Variants in SLFN12 observed in about 807,000 individuals in gnomAD.
The protein encoded by SLFN12 is ribonuclease SLFN12.
In SLFN12, 25 loss-of-function variants were observed where a neutral mutation model predicts 29.1. That is an observed-to-expected ratio of 0.86 (90% CI 0.63 to 1.20). The LOEUF (loss-of-function observed/expected upper bound fraction) is 1.20. SLFN12 is among the 50% of genes most tolerant of loss of function. The pLI is 0.00. For synonymous variants in SLFN12, 257 were observed against 238.7 expected (o/e 1.08, Z -0.71); for missense variants, 660 against 666.2 (o/e 0.99, Z 0.10).
chr17:35,420,302 T>C lies in SLFN12; in HGVS notation c.1119A>G (p.Glu373=). 1.9e-6 allele frequency: 3 copies of C among 1,613,624 alleles called. 1 individual carries two copies. The part of the protein sequence containing the change: ...LPAPHSWPLL[E]WQRQRHHCPG... ...GACAGTGATGTCTCTGCCGTTGCCA[T>C]TCCAAAAGAGGCCAACTGTGGGGAG... is the stretch of plus-strand genomic sequence containing the variant. The change falls in exon 3 of 4, where the codon GAA becomes GAG. Residue 373 remains glutamate, a synonymous_variant. Transcript: ENST00000304905.
chr17:35,428,139 A>G (rs1912113627), intron 1 of SLFN12, among the ~76,000 whole-genome samples: 2 of 152,164 alleles, frequency 1.3e-5, no homozygotes, highest in Non-Finnish European at 2.9e-5. Context: ...TATAGAGTGT[A>G]TATATGTACA....
rs374285342 is a variant in SLFN12, at chr17:35,422,800, G to T, written c.229C>A (p.Leu77Ile). The T allele has an allele frequency of 1.1e-4, 176 of 1,613,642 alleles. 1 individual carries two copies. The highest frequency in any genetic ancestry group is 3.3e-4 in the Middle Eastern group (2 of 6,084). ...DYSYTKDGIG[L>I]DLENSFSNIL... is the part of the protein sequence containing the mutation. ...TTACTAAAAGAATTTTCCAAATCTA[G>T]TCCTATTCCATCTTTTGTATAACTA... Residue 77 changes from leucine to isoleucine, a missense_variant, in exon 2 of 4, where the codon CTA becomes ATA. By Grantham distance (5) the Leu-to-Ile change is conservative. Coordinates refer to ENST00000304905, the MANE Select transcript of SLFN12 (RefSeq NM_018042.5).
At chr17:35,418,860 G>GT (rs1911466642) in intron 3 of SLFN12, among the ~76,000 whole-genome samples, 1 of 133,060 alleles carries the variant, frequency 7.5e-6, no homozygotes, top group Admixed American at 8.5e-5. Context: ...TTATTTATTT[G>GT]TTTGTTTGTT....
Position 35,421,626 on chromosome 17 carries a change from G to A in SLFN12, c.1039+364C>T, listed in dbSNP as rs953616319. Among the ~76,000 whole-genome samples, 6 of 135,514 alleles carry A rather than the reference G, an allele frequency of 4.4e-5. No individual in the cohort carries two copies. In the South Asian group the frequency reaches 9.7e-4, roughly 22 times the overall value. The allele number at this position is 135,514 out of a possible 152,430, so 88.9% of individuals were successfully genotyped here. On this transcript the variant is annotated intron_variant, in intron 2 of 3. Coordinates refer to ENST00000304905, the MANE Select transcript of SLFN12 (RefSeq NM_018042.5). ...GCAATCTCCGCCCACTGCAACCTCC[G>A]CCACCTGGCTTCAACCGATTCTCCT... is the stretch of plus-strand genomic sequence containing the variant.
At chr17:35,415,799 C>T (rs1212482407) in intron 3 of SLFN12, among the ~76,000 whole-genome samples, 2 of 152,092 alleles carry the variant, frequency 1.3e-5, no homozygotes, top group African/African-American at 4.8e-5. Context: ...AAAATTAAGT[C>T]CACAATGAGA....
In SLFN12 at chr17:35,422,714, A is replaced by T; in HGVS notation, c.315T>A (p.Ile105=). ...DFMQNGNYFL[I]FVKSWSLNTS... ...TGTTCAAGCTCCATGACTTCACAAA[A>T]ATCAGAAAGTAGTTACCATTCTGCA... is the stretch of plus-strand genomic sequence containing the variant. Residue 105 remains isoleucine, a synonymous_variant, in exon 2 of 4, where the codon ATT becomes ATA. Transcript: ENST00000304905. The T allele has an allele frequency of 1.2e-6, 2 of 1,614,150 alleles. 1 individual carries two copies. Among genetic ancestry groups the T allele is most frequent in the Non-Finnish European group, 1.7e-6 (2 of 1,180,022 alleles).
Position 35,429,816 on chromosome 17 carries a change from G to T in SLFN12, c.-41+2372C>A, listed in dbSNP as rs145677409. ...GATAATAAACCAGCAGGGCATGAGGGTGCTTGGTTTTTCTTTTAGGATCTA... is the reference window on the plus strand; with the variant it reads ...GATAATAAACCAGCAGGGCATGAGGTTGCTTGGTTTTTCTTTTAGGATCTA... On this transcript the variant is annotated intron_variant, in intron 1 of 3. Coordinates refer to ENST00000304905, the MANE Select transcript of SLFN12 (RefSeq NM_018042.5). 3.2e-3 allele frequency among the ~76,000 whole-genome samples: 483 copies of T among 152,108 alleles called. 2 individuals are homozygous for T. The highest frequency in any genetic ancestry group is 0.014 in the Middle Eastern group (4 of 294).
intron 3 of SLFN12, among the ~76,000 whole-genome samples, chr17:35,415,064 T>A (rs1911238236): frequency 1.3e-5 from 2 of 152,058 alleles, no homozygotes; most frequent in Non-Finnish European, 2.9e-5. Flanking sequence ...AAAGCAAGAC[T>A]AAGCAAAAAG....
chr17:35,413,884 T>A (rs998600485), intron 3 of SLFN12, among the ~76,000 whole-genome samples: 2 of 151,926 alleles, frequency 1.3e-5, no homozygotes, highest in African/African-American at 2.4e-5. Context: ...GGCAAAACTA[T>A]ATGCTCATAT....
chr17:35,416,567 C>T (rs1911328091), intron 3 of SLFN12, among the ~76,000 whole-genome samples: 1 of 152,082 alleles, frequency 6.6e-6, no homozygotes, highest in African/African-American at 2.4e-5. Context: ...GTACTTACTA[C>T]ACAAAGTAAA....
chr17:35,412,814 TTAACTG>T (rs1911101194), intron 3 of SLFN12, among the ~76,000 whole-genome samples: 1 of 151,902 alleles, frequency 6.6e-6, no homozygotes, highest in African/African-American at 2.4e-5. Flanking sequence ...AAGAGGGACT[TTAACTG>T]TAATATATTT....
intron 3 of SLFN12, among the ~76,000 whole-genome samples, chr17:35,417,945 A>G (rs1911413596): frequency 6.6e-6 from 1 of 152,084 alleles, no homozygotes; most frequent in African/African-American, 2.4e-5. Context: ...AATTTATGAA[A>G]CTATAAAGGC....
At position 35,411,239 on chromosome 17, in the gene SLFN12, G is replaced by T; in HGVS notation, c.*99C>A. On this transcript the variant is annotated 3_prime_UTR_variant, in exon 4 of 4. Coordinates refer to ENST00000304905, the MANE Select transcript of SLFN12 (RefSeq NM_018042.5). ...CAATTATCCAACATCACATTAAGTTGCTTAACTTGCAAAGTTTTCAAAGAA... is the reference window on the plus strand; with the variant it reads ...CAATTATCCAACATCACATTAAGTTTCTTAACTTGCAAAGTTTTCAAAGAA... The T allele has an allele frequency of 1.1e-6, 1 of 885,506 alleles. No homozygotes were observed. The highest frequency in any genetic ancestry group is 1.7e-6 in the Non-Finnish European group (1 of 592,030). 54.9% of individuals were successfully genotyped at this position (885,506 alleles called of 1,614,324 possible). A position where few individuals can be genotyped will look rare whatever the true frequency, so the allele number is the denominator to read the frequency against.
chr17:35,425,236 G>A (rs187582717), intron 1 of SLFN12, among the ~76,000 whole-genome samples: 1 of 152,122 alleles, frequency 6.6e-6, no homozygotes, highest in Non-Finnish European at 1.5e-5. Context: ...GTCCAAGGCT[G>A]CAGTAAGCGA....
chr17:35,414,498 T>C (rs139475481), intron 3 of SLFN12, among the ~76,000 whole-genome samples: 174 of 152,156 alleles, frequency 1.1e-3, no homozygotes, highest in African/African-American at 4.0e-3. Flanking sequence ...TGTTCATGGA[T>C]TGAAAAAATC....
At chr17:35,433,002 C>T (rs1274896016), upstream of SLFN12, 1 of 152,190 alleles carries the variant, frequency 6.6e-6, no homozygotes, top group Non-Finnish European at 1.5e-5. Context: ...TAAAAACCCA[C>T]GAAAACAGCT....
At chr17:35,430,979 G>A (rs1489904221) in intron 1 of SLFN12, among the ~76,000 whole-genome samples, 2 of 152,060 alleles carry the variant, frequency 1.3e-5, no homozygotes, top group Admixed American at 6.5e-5. Flanking sequence ...CTATCCTATG[G>A]GTTCTAGGTT....
At position 35,422,094 on chromosome 17, in the gene SLFN12, C is replaced by T; in HGVS notation, c.935G>A (p.Cys312Tyr). The T allele has an allele frequency of 6.2e-7, 1 of 1,614,084 alleles. No individual in the cohort carries two copies. Among genetic ancestry groups the T allele is most frequent in the Non-Finnish European group, 8.5e-7 (1 of 1,180,018 alleles). Residue 312 changes from cysteine (C) to tyrosine (Y), a missense_variant, in exon 2 of 4, where the codon TGT becomes TAT. By Grantham distance (194) the Cys-to-Tyr change is radical. Transcript: ENST00000304905. Reference protein sequence around the residue: ...VCALRVERFCCAVFAKEPDSW... With the variant: ...VCALRVERFCYAVFAKEPDSW... ...ATCAGGCTCTTTAGCAAACACTGCACAGCAGAAGCGCTCCACTCTGAGTGC... is the reference window on the plus strand; with the variant it reads ...ATCAGGCTCTTTAGCAAACACTGCATAGCAGAAGCGCTCCACTCTGAGTGC...
At chr17:35,425,795 G>A (rs1433155512) in intron 1 of SLFN12, among the ~76,000 whole-genome samples, 5 of 140,616 alleles carry the variant, frequency 3.6e-5, no homozygotes, top group South Asian at 2.2e-4. Context: ...CAGGAGTGAG[G>A]TTGCTGAATC....
Sources: allele counts gnomAD v4.1 joint callset (sites outside exome capture counted in the v4.1 genomes callset), GRCh38; gene constraint gnomAD v4.1.1; transcripts MANE v1.5; gene names NCBI Gene and HGNC (gene_info 2026-07-23, HGNC 2026-07-21).